ATL1: variants seen among roughly 807,000 people sequenced by gnomAD.
ATL1 encodes atlastin GTPase 1.
ATL1 carries 31 observed loss-of-function variants against 75.5 expected under a neutral mutation model. The observed-to-expected ratio is 0.41, with a 90% CI of 0.31 to 0.55. The LOEUF (loss-of-function observed/expected upper bound fraction) is 0.55. ATL1 is among the 20% of genes least tolerant of loss of function. ATL1 has a pLI of 0.27. For missense variants in ATL1, 405 were observed against 662.6 expected, an observed-to-expected ratio of 0.61 and a Z score of 4.27; for synonymous variants, 226 against 233.3, an observed-to-expected ratio of 0.97 and a Z score of 0.28.
intron 6 of ATL1, among the ~76,000 whole-genome samples, chr14:50,602,566 A>G (rs1168870277): frequency 6.6e-6 from 1 of 152,050 alleles, no homozygotes; most frequent in Admixed American, 6.6e-5. Context: ...AGATGTCAAT[A>G]CATTTCTCAG....
chr14:50,585,762 G>A (rs1441938193), intron 1 of ATL1, among the ~76,000 whole-genome samples: 1 of 152,154 alleles, frequency 6.6e-6, no homozygotes, highest in Admixed American at 6.5e-5. Flanking sequence ...TAAATTGTAA[G>A]GCTGGGATTT....
intron 1 of ATL1, among the ~76,000 whole-genome samples, chr14:50,567,300 T>A (rs1449437892): frequency 1.3e-5 from 2 of 152,218 alleles, no homozygotes; most frequent in Non-Finnish European, 2.9e-5. Context: ...CACAACTTCC[T>A]TCTTTTTTAA....
chr14:50,537,447 G>A (rs2038508837), intron 1 of ATL1, among the ~76,000 whole-genome samples: 2 of 152,238 alleles, frequency 1.3e-5, no homozygotes, highest in Admixed American at 1.3e-4. Flanking sequence ...AGAGCCCCCA[G>A]ACAGAGTTCC....
chr14:50,597,220 C>CACAAAAAAAAAAAAAAA (rs2039226961), intron 6 of ATL1, among the ~76,000 whole-genome samples: 1 of 108,404 alleles, frequency 9.2e-6, no homozygotes, highest in African/African-American at 4.2e-5. Context: ...AAAAAACAAA[C>CACAAAAAAAAAAAAAAA]AAAAAAAAAA....
intron 6 of ATL1, among the ~76,000 whole-genome samples, chr14:50,610,895 C>T (rs1255515974): frequency 6.6e-6 from 1 of 152,118 alleles, no homozygotes; most frequent in Non-Finnish European, 1.5e-5. Flanking sequence ...AATAGAACTC[C>T]TCTCTCCAAT....
intron 6 of ATL1, among the ~76,000 whole-genome samples, chr14:50,600,077 G>C (rs1042778232): frequency 6.6e-6 from 1 of 151,330 alleles, no homozygotes; most frequent in Admixed American, 6.6e-5. Context: ...TTGTTACTCA[G>C]AACCACTGGC....
At chr14:50,587,636 T>G (rs558065579) in intron 1 of ATL1, among the ~76,000 whole-genome samples, 195 bp from the exon 2 acceptor site, 2 of 152,242 alleles carry the variant, frequency 1.3e-5, no homozygotes, top group East Asian at 3.9e-4. Context: ...TCTTGACTCC[T>G]GGGCTCAAGC....
At chr14:50,590,529 A>G (rs543629860) in intron 2 of ATL1, among the ~76,000 whole-genome samples, 62 of 152,156 alleles carry the variant, frequency 4.1e-4, no homozygotes, top group African/African-American at 1.4e-3. Flanking sequence ...AAATTCCTAA[A>G]TATTTTTCAA....
chr14:50,545,140 C>G (rs1289833227), intron 1 of ATL1, among the ~76,000 whole-genome samples: 3 of 152,018 alleles, frequency 2.0e-5, no homozygotes, highest in African/African-American at 7.2e-5. Context: ...AAAACAGTCT[C>G]ATTGCTCAAA....
At chr14:50,558,435 G>A (rs543670589), upstream of ATL1, among the ~76,000 whole-genome samples, 3 of 152,174 alleles carry the variant, frequency 2.0e-5, no homozygotes, top group African/African-American at 7.2e-5. Context: ...ATTCAGGCAA[G>A]GATCAATGGA....
intron 1 of ATL1, among the ~76,000 whole-genome samples, chr14:50,535,849 G>A (rs2038484427): frequency 1.3e-5 from 2 of 152,158 alleles, no homozygotes; most frequent in South Asian, 2.1e-4. Context: ...GAATTCCCAC[G>A]TGTTGTGGGA....
In ATL1 at chr14:50,587,731, A is replaced by G. The variant is rs1481356237; in HGVS notation, c.35-100A>G. On this transcript the variant is annotated intron_variant, in intron 1 of 13. Transcript: ENST00000358385. ...GCATAAAATGAGCATTTATAATTCC[A>G]GTATGCTCCTGTGTCGGATGTTTGA... 4 of 1,482,410 alleles carry G rather than the reference A, an allele frequency of 2.7e-6. No individual in the cohort carries two copies. The African/African-American group carries it at 5.5e-5, about 21-fold the overall frequency. The allele number at this position is 1,482,410 out of a possible 1,614,324, so 91.8% of individuals were successfully genotyped here.
intron 8 of ATL1, among the ~76,000 whole-genome samples, chr14:50,620,061 C>T (rs761611142): frequency 1.3e-5 from 2 of 152,118 alleles, no homozygotes; most frequent in Non-Finnish European, 2.9e-5. Context: ...AGATCAAGAC[C>T]ATCCTGGCCA....
Position 50,628,319 on chromosome 14 carries a change from T to G in ATL1, c.1408T>G (p.Leu470Val), listed in dbSNP as rs1292509428. The G allele has an allele frequency of 2.5e-6, 4 of 1,614,182 alleles. No homozygotes were observed. Among genetic ancestry groups the G allele is most frequent in the East Asian group, 2.2e-5 (1 of 44,880 alleles). ...VIAGVTGFIG[L>V]DIIASLCNMI... ...TGCTGGTGTGACTGGATTCATTGGT[T>G]TGGACATCATAGCTAGCCTATGCAA... Residue 470 changes from leucine to valine, a missense_variant, in exon 12 of 14, where the codon TTG becomes GTG. By Grantham distance (32) the Leu-to-Val change is conservative. Transcript: ENST00000358385.
At chr14:50,598,450 TC>T (rs2039241908) in intron 6 of ATL1, among the ~76,000 whole-genome samples, 1 of 152,002 alleles carries the variant, frequency 6.6e-6, no homozygotes, top group Non-Finnish European at 1.5e-5. Context: ...AACCTCTGCC[TC>T]CCGGGTTCAA....
intron 1 of ATL1, among the ~76,000 whole-genome samples, chr14:50,586,642 A>G (rs766950176): frequency 2.4e-4 from 36 of 152,328 alleles, no homozygotes; most frequent in Middle Eastern, 3.4e-3. Flanking sequence ...TTCTTATGAT[A>G]TAAAGCAAAC....
chr14:50,576,184 A>C (rs185367537), intron 1 of ATL1, among the ~76,000 whole-genome samples: 61 of 152,328 alleles, frequency 4.0e-4, no homozygotes, highest in Middle Eastern at 3.4e-3. Context: ...GCTTTGTGTT[A>C]GATTATCTCA....
At chr14:50,588,992 A>T (rs898572571) in intron 2 of ATL1, among the ~76,000 whole-genome samples, 7 of 152,182 alleles carry the variant, frequency 4.6e-5, no homozygotes, top group African/African-American at 1.4e-4. Context: ...AATGTTCTAG[A>T]TTGTGCTAGG....
At chr14:50,569,732 G>T (rs1490520691) in intron 1 of ATL1, among the ~76,000 whole-genome samples, 2 of 152,106 alleles carry the variant, frequency 1.3e-5, no homozygotes, top group East Asian at 3.9e-4. Context: ...TGAAAGGCAG[G>T]TCTAGTGGTA....
Sources: allele counts gnomAD v4.1 joint callset (sites outside exome capture counted in the v4.1 genomes callset), GRCh38; gene constraint gnomAD v4.1.1; transcripts MANE v1.5; gene names NCBI Gene and HGNC (gene_info 2026-07-23, HGNC 2026-07-21).